PPARGC1B: variants seen among roughly 807,000 people sequenced by gnomAD.
The protein encoded by PPARGC1B is peroxisome proliferator-activated receptor gamma coactivator 1-beta.
In PPARGC1B, 34 loss-of-function variants were observed where a neutral mutation model predicts 101.6. The observed-to-expected ratio is 0.33, with a 90% CI of 0.25 to 0.45. The LOEUF is 0.45. Among genes scored for constraint, PPARGC1B ranks in the 20% least tolerant of loss-of-function variants. The pLI is 1.00. For synonymous variants in PPARGC1B, 548 were observed against 539.3 expected (o/e 1.02, Z -0.22); for missense variants, 1,234 against 1,317.6 (o/e 0.94, Z 0.98).
intron 1 of PPARGC1B, among the ~76,000 whole-genome samples, chr5:149,800,713 G>C (rs1184158170): frequency 6.6e-6 from 1 of 152,216 alleles, no homozygotes. Context: ...CAACAGGTGG[G>C]GCCAGGTGCA....
At chr5:149,771,910 CGTT>C in intron 1 of PPARGC1B, 6 of 908,518 alleles carry the variant, frequency 6.6e-6, no homozygotes, top group Non-Finnish European at 7.8e-6. Context: ...TGTCACTGAA[CGTT>C]GTCCCCAAGC....
intron 1 of PPARGC1B, among the ~76,000 whole-genome samples, chr5:149,750,451 AAAATATATATATAT>A (rs1304644845): frequency 0.04 from 2,800 of 69,784 alleles, 122 homozygotes; most frequent in African/African-American, 0.13. Flanking sequence ...TGTTTTAGTT[AAAATATATATATAT>A]ATATATATAT....
chr5:149,765,669 CA>C (rs1755881995), intron 1 of PPARGC1B, among the ~76,000 whole-genome samples: 1 of 151,916 alleles, frequency 6.6e-6, no homozygotes, highest in Non-Finnish European at 1.5e-5. Context: ...CCATCCTGGC[CA>C]ACACGGGGAA....
chr5:149,785,452 G>A (rs1467587341), intron 1 of PPARGC1B, among the ~76,000 whole-genome samples: 1 of 152,198 alleles, frequency 6.6e-6, no homozygotes, highest in Non-Finnish European at 1.5e-5. Flanking sequence ...CACTTAGCAA[G>A]CACACAATAA....
chr5:149,751,329 A>C (rs1401574627), intron 1 of PPARGC1B, among the ~76,000 whole-genome samples: 1 of 152,174 alleles, frequency 6.6e-6, no homozygotes, highest in Non-Finnish European at 1.5e-5. Flanking sequence ...GATTATATAA[A>C]TTGTATTTTT....
chr5:149,832,875 C>T lies in PPARGC1B; in HGVS notation c.802C>T (p.Leu268=), dbSNP rs150331206. 1.2e-6 allele frequency: 2 copies of T among 1,612,728 alleles called. No homozygotes were observed. The highest frequency in any genetic ancestry group is 8.5e-7 in the Non-Finnish European group (1 of 1,179,706). ...AGCTCCAGCCTCTCCCCGGGACTCC[C>T]TAGCTCTGGGCAGGGCAGACCCCGG... is the stretch of plus-strand genomic sequence containing the variant. ...QPAPASPRDS[L]ALGRADPGAP... Residue 268 remains leucine (L), a synonymous_variant, in exon 5 of 12, where the codon CTA becomes TTA. Transcript: ENST00000309241. The surrounding 1 kb of genome is among the most constrained non-coding windows in gnomAD (Gnocchi z 4.9).
At chr5:149,842,630 G>A (rs888583008) in intron 10 of PPARGC1B, among the ~76,000 whole-genome samples, 6 of 152,240 alleles carry the variant, frequency 3.9e-5, no homozygotes, top group South Asian at 2.1e-4. Context: ...TTCCCAGCAC[G>A]CCAGGGACAT....
intron 10 of PPARGC1B, among the ~76,000 whole-genome samples, chr5:149,843,044 T>C (rs1216603295): frequency 6.6e-6 from 1 of 152,188 alleles, no homozygotes; most frequent in African/African-American, 2.4e-5. Flanking sequence ...GGTGCACTCC[T>C]GTATTCCCAG....
At chr5:149,804,135 G>C (rs906708747) in intron 1 of PPARGC1B, among the ~76,000 whole-genome samples, 2 of 152,364 alleles carry the variant, frequency 1.3e-5, no homozygotes, top group South Asian at 2.1e-4. Context: ...GTAAAGGGGG[G>C]TTAGTGTGAG....
chr5:149,829,331 C>G (rs901448992), intron 3 of PPARGC1B, among the ~76,000 whole-genome samples: 1 of 152,208 alleles, frequency 6.6e-6, no homozygotes, highest in Non-Finnish European at 1.5e-5. Context: ...AGAATGAGGT[C>G]TCTTTCCCCC....
intron 1 of PPARGC1B, among the ~76,000 whole-genome samples, chr5:149,806,262 G>A (rs2113305943): frequency 1.3e-5 from 2 of 152,320 alleles, no homozygotes; most frequent in South Asian, 4.1e-4. Context: ...GGGGGCTCTG[G>A]CATGACAGCA....
chr5:149,830,115 T>C (rs1232603986), intron 3 of PPARGC1B, among the ~76,000 whole-genome samples: 2 of 141,580 alleles, frequency 1.4e-5, no homozygotes, highest in African/African-American at 5.3e-5. Context: ...ACTTGCATAA[T>C]GAAAGCCCAC....
At chr5:149,845,165 G>A (rs931333204) in intron 10 of PPARGC1B, among the ~76,000 whole-genome samples, 6 of 152,194 alleles carry the variant, frequency 3.9e-5, no homozygotes, top group African/African-American at 1.4e-4. Flanking sequence ...TGAACAGGCA[G>A]GCATCATAGA....
chr5:149,833,209 A>C lies in PPARGC1B; in HGVS notation c.1136A>C (p.Lys379Thr). 4 of 1,613,230 alleles carry C rather than the reference A, an allele frequency of 2.5e-6. No homozygotes were observed. Among genetic ancestry groups the C allele is most frequent in the Non-Finnish European group, 3.4e-6 (4 of 1,179,974 alleles). ...LTPRSRPRPP[K>T]DSQASPGRPS... ...CCTCGGTCAAGGCCCAGGCCCCCCA[A>C]AGACAGTCAGGCCTCCCCTGGTCGC... is the stretch of plus-strand genomic sequence containing the variant. Residue 379 changes from lysine to threonine, a missense_variant, in exon 5 of 12, where the codon AAA becomes ACA. Lys to Thr is a moderately conservative substitution (Grantham distance 78). This residue lies in a region of PPARGC1B where 734 missense variants were observed against 768.4 expected (regional missense o/e 0.96). Transcript: ENST00000309241. This position sits in a 1 kb window ranked among gnomAD's most constrained non-coding sequence, Gnocchi z 4.1.
chr5:149,813,161 A>G (rs1757926995), intron 1 of PPARGC1B, among the ~76,000 whole-genome samples: 1 of 152,126 alleles, frequency 6.6e-6, no homozygotes, highest in Non-Finnish European at 1.5e-5. Flanking sequence ...TCGCCATGGA[A>G]AGAGGGAACA....
intron 1 of PPARGC1B, among the ~76,000 whole-genome samples, chr5:149,780,241 T>A (rs1268815909): frequency 1.3e-5 from 2 of 152,236 alleles, no homozygotes; most frequent in Non-Finnish European, 2.9e-5. Flanking sequence ...GAGCCCCGTG[T>A]GACCACCTGG....
downstream of PPARGC1B, among the ~76,000 whole-genome samples, chr5:149,857,793 C>T (rs972402125): frequency 2.6e-5 from 4 of 152,182 alleles, no homozygotes; most frequent in African/African-American, 9.7e-5. Flanking sequence ...GGCCCAGCCC[C>T]GTCTTCTCAC....
intron 1 of PPARGC1B, among the ~76,000 whole-genome samples, chr5:149,813,895 G>A (rs1269000100): frequency 6.6e-6 from 1 of 152,188 alleles, no homozygotes; most frequent in African/African-American, 2.4e-5. Context: ...CACAGGGTGG[G>A]AGGGGCAACC....
intron 1 of PPARGC1B, among the ~76,000 whole-genome samples, chr5:149,754,642 A>G (rs989338408): frequency 8.5e-5 from 13 of 152,246 alleles, no homozygotes; most frequent in African/African-American, 2.4e-4. Context: ...AGGCAGAGTG[A>G]GGCCCAGAGG....
Sources: allele counts gnomAD v4.1 joint callset (sites outside exome capture counted in the v4.1 genomes callset), GRCh38; gene constraint gnomAD v4.1.1; regional missense constraint gnomAD v4.1.1; non-coding constraint Gnocchi (gnomAD v3.1); transcripts MANE v1.5; gene names NCBI Gene and HGNC (gene_info 2026-07-23, HGNC 2026-07-21).